Variants in CD46 observed in about 807,000 individuals in gnomAD.
The protein encoded by CD46 is membrane cofactor protein.
In CD46, 30 loss-of-function variants were observed where a neutral mutation model predicts 53.3. The ratio of observed to expected loss-of-function variants is 0.56; its 90% CI spans 0.42 to 0.76. The LOEUF (loss-of-function observed/expected upper bound fraction) is 0.76. Ranked by LOEUF, CD46 falls within the 30% of genes least tolerant of loss-of-function variation. CD46 has a pLI of 0.00. For missense variants in CD46, 409 were observed against 463.0 expected, an observed-to-expected ratio of 0.88 and a Z score of 1.07; for synonymous variants, 142 against 152.0, an observed-to-expected ratio of 0.93 and a Z score of 0.48.
At chr1:207,772,022 T>C (rs1246118171) in intron 8 of CD46, among the ~76,000 whole-genome samples, 4 of 152,222 alleles carry the variant, frequency 2.6e-5, no homozygotes, top group South Asian at 2.1e-4. Context: ...ATTCTTCCTA[T>C]CCATGAGCAT....
intron 1 of CD46, among the ~76,000 whole-genome samples, chr1:207,753,183 C>T (rs1288855969): frequency 6.6e-6 from 1 of 152,000 alleles, no homozygotes; most frequent in Non-Finnish European, 1.5e-5. Context: ...CTTTTCATTA[C>T]TTTGAGTCAT....
rs572845538 is a variant in CD46, at chr1:207,793,722, A to G, written c.*245A>G. The G allele has an allele frequency of 1.8e-5, 14 of 776,262 alleles. No individual in the cohort carries two copies. The highest frequency in any genetic ancestry group is 3.0e-5 in the Non-Finnish European group (13 of 438,174). The allele number at this position is 776,262 out of a possible 1,614,324, so 48.1% of individuals were successfully genotyped here. A position where few individuals can be genotyped will look rare whatever the true frequency, so the allele number is the denominator to read the frequency against. ...TAATATTGCAATGTGGCTTGAATGT[A>G]GGTAGCATCCTTTGATGCTTCTTTG... On this transcript the variant is annotated 3_prime_UTR_variant, in exon 13 of 13. Coordinates refer to ENST00000367042, the MANE Select transcript of CD46 (RefSeq NM_172351.3).
At chr1:207,792,123 A>G (rs187462538) in intron 12 of CD46, among the ~76,000 whole-genome samples, 56 of 152,184 alleles carry the variant, frequency 3.7e-4, no homozygotes, top group African/African-American at 1.3e-3. Context: ...TAAAAATACA[A>G]ACATTAGCTG....
intron 8 of CD46, among the ~76,000 whole-genome samples, chr1:207,779,913 C>CTTTT (rs66758503): frequency 1.8e-4 from 11 of 62,396 alleles, no homozygotes; most frequent in African/African-American, 4.4e-4. Context: ...AAAAGCAAGT[C>CTTTT]TTTTTTTTTT....
chr1:207,784,509 G>A (rs1013121162), intron 9 of CD46, among the ~76,000 whole-genome samples: 1 of 152,180 alleles, frequency 6.6e-6, no homozygotes, highest in African/African-American at 2.4e-5. Context: ...TTCACAAGTG[G>A]AACCCTTAAC....
chr1:207,782,169 T>C (rs1658807360), intron 8 of CD46, among the ~76,000 whole-genome samples: 1 of 152,196 alleles, frequency 6.6e-6, no homozygotes. Flanking sequence ...TTTATTCTTT[T>C]TGATGCTATT....
chr1:207,778,066 T>G (rs193149713), intron 8 of CD46, among the ~76,000 whole-genome samples: 71 of 152,320 alleles, frequency 4.7e-4, no homozygotes, highest in African/African-American at 1.6e-3. Flanking sequence ...TTCTGTATGT[T>G]TTTTGGCCAC....
chr1:207,781,433 T>C (rs941910009), intron 8 of CD46, among the ~76,000 whole-genome samples: 1 of 152,190 alleles, frequency 6.6e-6, no homozygotes, highest in African/African-American at 2.4e-5. Flanking sequence ...AAATTTGCTT[T>C]TAATTGATGA....
At position 207,752,305 on chromosome 1, in the gene CD46, C is replaced by T. The variant is rs1402551861; in HGVS notation, c.93C>T (p.Phe31=). The change falls in exon 1 of 13, where the codon TTC becomes TTT. Residue 31 remains phenylalanine, a synonymous_variant. Coordinates refer to ENST00000367042, the MANE Select transcript of CD46 (RefSeq NM_172351.3). The surrounding 1 kb of genome is among the most constrained non-coding windows in gnomAD (Gnocchi z 4.1). ...LAAMVLLLYS[F]SDACEEPPTF... is the part of the protein sequence containing the mutation. ...CCATGGTGTTGCTGCTGTACTCCTT[C>T]TCCGGTAGGACCCCGGGGCGGGTTC... 6.2e-7 allele frequency: 1 copy of T among 1,614,004 alleles called. No individual in the cohort carries two copies. Among genetic ancestry groups the T allele is most frequent in the Non-Finnish European group, 8.5e-7 (1 of 1,179,906 alleles).
At chr1:207,757,688 T>C (rs556401904) in intron 3 of CD46, 46 bp downstream of exon 3, 6 of 1,259,986 alleles carry the variant, frequency 4.8e-6, no homozygotes, top group Non-Finnish European at 6.9e-6. Flanking sequence ...AGTAATTTTA[T>C]TTTTGTTTTG....
In CD46 at chr1:207,795,464, T is replaced by C. The variant is rs184094468; in HGVS notation, c.*1987T>C. ...TCTTTATTGCTCATTTTTTAAAAAATGGACTCTTGAAATCTGTTAAAATAA... is the reference window on the plus strand; with the variant it reads ...TCTTTATTGCTCATTTTTTAAAAAACGGACTCTTGAAATCTGTTAAAATAA... On this transcript the variant is annotated 3_prime_UTR_variant, in exon 13 of 13. Coordinates refer to ENST00000367042, the MANE Select transcript of CD46 (RefSeq NM_172351.3). The C allele has an allele frequency of 2.0e-5, 3 of 152,344 alleles. No homozygotes were observed. The highest frequency in any genetic ancestry group is 7.2e-5 in the African/African-American group (3 of 41,592). 9.4% of individuals were successfully genotyped at this position (152,344 alleles called of 1,614,324 possible).
At chr1:207,780,611 A>G (rs934320218) in intron 8 of CD46, among the ~76,000 whole-genome samples, 7 of 152,064 alleles carry the variant, frequency 4.6e-5, no homozygotes, top group African/African-American at 1.7e-4. Context: ...TATTTTTAAT[A>G]TTTTGAGGAA....
chr1:207,780,260 A>G (rs1177498226), intron 8 of CD46, among the ~76,000 whole-genome samples: 1 of 152,008 alleles, frequency 6.6e-6, no homozygotes, highest in Non-Finnish European at 1.5e-5. Context: ...TATAATTATA[A>G]TAAGTGGAGT....
rs570549197 is a variant in CD46 at position 207,775,415 on chromosome 1, C to A, written c.943+5053C>A. On this transcript the variant is annotated intron_variant, in intron 8 of 12. Transcript: ENST00000367042. ...CTCATTCTCTGTCCAGTTTTGTTCC[C>A]TTGCTGGCAAGGAGCTGTGATCCTT... 3.3e-5 allele frequency among the ~76,000 whole-genome samples: 5 copies of A among 152,294 alleles called. No individual in the cohort carries two copies. In the South Asian group the frequency reaches 1.0e-3, roughly 32 times the overall value.
chr1:207,787,195 C>T (rs1485469865), intron 11 of CD46, among the ~76,000 whole-genome samples: 3 of 152,086 alleles, frequency 2.0e-5, no homozygotes, highest in Admixed American at 1.3e-4. Context: ...CTCAGCCTCA[C>T]GAGTAGCTGG....
Position 207,794,067 on chromosome 1 carries a change from G to C in CD46, c.*590G>C, listed in dbSNP as rs191345119. On this transcript the variant is annotated 3_prime_UTR_variant, in exon 13 of 13. Coordinates refer to ENST00000367042, the MANE Select transcript of CD46 (RefSeq NM_172351.3). ...ATGTGTATACTACTTTGGCTCTTGT[G>C]CATAAAAACAAGAACACTGAAAATT... The C allele has an allele frequency of 6.5e-6, 1 of 153,620 alleles. No homozygotes were observed. Among genetic ancestry groups the C allele is most frequent in the African/African-American group, 2.4e-5 (1 of 41,554 alleles). The allele number at this position is 153,620 out of a possible 1,614,324, so 9.5% of individuals were successfully genotyped here.
intron 8 of CD46, among the ~76,000 whole-genome samples, chr1:207,772,354 C>A (rs922940021): frequency 6.6e-6 from 1 of 152,160 alleles, no homozygotes; most frequent in Non-Finnish European, 1.5e-5. Flanking sequence ...CAAACAGAGA[C>A]AATTTGACTT....
chr1:207,785,705 T>A, intron 11 of CD46, 23 bp downstream of exon 11: 1 of 1,509,396 alleles, frequency 6.6e-7, no homozygotes, highest in Non-Finnish European at 9.2e-7. Flanking sequence ...ATGTTTCTTT[T>A]AACTTCTTGG....
At chr1:207,778,827 C>T (rs777654868) in intron 8 of CD46, among the ~76,000 whole-genome samples, 10 of 152,052 alleles carry the variant, frequency 6.6e-5, no homozygotes, top group Non-Finnish European at 1.3e-4. Flanking sequence ...TGAAGAATGT[C>T]GTTGGTAGTT....
Sources: gnomAD v4.1 joint callset for allele counts (sites outside exome capture counted in the v4.1 genomes callset) on GRCh38, gnomAD v4.1.1 for gene constraint, Gnocchi (gnomAD v3.1) non-coding constraint, MANE v1.5 for transcripts, NCBI Gene and HGNC (gene_info 2026-07-23, HGNC 2026-07-21) for gene names.